The following TXLNB variants were observed in gnomAD, a reference collection of about 807,000 sequenced individuals.
TXLNB encodes taxilin beta.
Under a neutral mutation model 57.4 loss-of-function variants are expected in TXLNB, and 37 were observed. The observed-to-expected ratio is 0.64, with a 90% CI of 0.50 to 0.85. TXLNB has a LOEUF of 0.85. TXLNB is among the 40% of genes least tolerant of loss of function. The pLI is 0.00. For synonymous variants in TXLNB, 302 were observed against 309.6 expected, an observed-to-expected ratio of 0.98 and a Z score of 0.26; for missense variants, 848 against 825.6, an observed-to-expected ratio of 1.03 and a Z score of -0.33.
At chr6:139,188,115 T>A in the TXLNB span, among the ~76,000 whole-genome samples, 1 of 152,174 alleles carries the variant, frequency 6.6e-6, no homozygotes, top group Non-Finnish European at 1.5e-5. Flanking sequence ...AGGGGCCTTC[T>A]TACTAAGAGG....
chr6:139,294,930 A>T (rs1235323004), upstream of TXLNB, among the ~76,000 whole-genome samples: 1 of 152,092 alleles, frequency 6.6e-6, no homozygotes, highest in East Asian at 1.9e-4. Flanking sequence ...CAGAGGTTGC[A>T]GTGAGCCGAG....
At position 139,240,859 on chromosome 6, in the gene TXLNB, A is replaced by T. The variant is rs1246417906; in HGVS notation, c.*1667T>A. ...GTGCCTTGGCAAACAGCCACATGCAACATTGAAGAATGGTTTCCTGGATGA... is the reference window on the plus strand; with the variant it reads ...GTGCCTTGGCAAACAGCCACATGCATCATTGAAGAATGGTTTCCTGGATGA... On this transcript the variant is annotated 3_prime_UTR_variant, in exon 10 of 10. Transcript: ENST00000358430. 1 of 152,254 alleles carries T rather than the reference A, an allele frequency of 6.6e-6. No individual in the cohort carries two copies. The highest frequency in any genetic ancestry group is 6.5e-5 in the Admixed American group (1 of 15,282). The allele number at this position is 152,254 out of a possible 1,614,324, so 9.4% of individuals were successfully genotyped here.
At chr6:139,200,284 A>G in the TXLNB span, among the ~76,000 whole-genome samples, 3 of 152,030 alleles carry the variant, frequency 2.0e-5, no homozygotes, top group South Asian at 6.3e-4. Context: ...ATCTCCCCTA[A>G]TAATACCATT....
the TXLNB span, among the ~76,000 whole-genome samples, chr6:139,226,721 G>C: frequency 6.6e-6 from 1 of 152,130 alleles, no homozygotes; most frequent in Non-Finnish European, 1.5e-5. Flanking sequence ...TAGTCATCAG[G>C]AAAGGCCAAT....
Position 139,242,523 on chromosome 6 carries a change from G to A in TXLNB, c.*3C>T. 1.3e-6 allele frequency: 2 copies of A among 1,498,424 alleles called. No individual in the cohort carries two copies. The highest frequency in any genetic ancestry group is 1.8e-6 in the Non-Finnish European group (2 of 1,125,726). 92.8% of individuals were successfully genotyped at this position (1,498,424 alleles called of 1,614,324 possible). ...GAAGAAGCCTCTGAAGGCACGGTGA[G>A]GCTTAGTCGACGCCTTCCAGATTGG... On this transcript the variant is annotated 3_prime_UTR_variant, in exon 10 of 10. Transcript: ENST00000358430.
At chr6:139,191,566 G>A in the TXLNB span, among the ~76,000 whole-genome samples, 2 of 152,212 alleles carry the variant, frequency 1.3e-5, no homozygotes, top group Admixed American at 1.3e-4. Context: ...CTATTGGACA[G>A]TGCTGGGCTA....
At chr6:139,321,847 T>C in the TXLNB span, among the ~76,000 whole-genome samples, 1 of 152,102 alleles carries the variant, frequency 6.6e-6, no homozygotes, top group South Asian at 2.1e-4. Flanking sequence ...TTAGCCAGGA[T>C]GGTCTCGATC....
the TXLNB span, among the ~76,000 whole-genome samples, chr6:139,317,400 GT>G: frequency 0.065 from 9,377 of 144,592 alleles, 912 homozygotes; most frequent in African/African-American, 0.22. Flanking sequence ...AAAGACAGAG[GT>G]TTTTTTTTTT....
chr6:139,256,140 C>T (rs951585407), intron 6 of TXLNB, among the ~76,000 whole-genome samples: 6 of 152,034 alleles, frequency 3.9e-5, no homozygotes. Flanking sequence ...GTTGGATTCT[C>T]AACTATAAAC....
chr6:139,257,333 G>T (rs1776370316), intron 6 of TXLNB, among the ~76,000 whole-genome samples: 1 of 151,912 alleles, frequency 6.6e-6, no homozygotes, highest in African/African-American at 2.4e-5. Context: ...GTTGTTTTTT[G>T]CCATTTGCTT....
chr6:139,193,842 T>A, the TXLNB span, among the ~76,000 whole-genome samples: 12,183 of 43,718 alleles, frequency 0.28, 683 homozygotes, highest in Admixed American at 0.37. Flanking sequence ...ATATATATAT[T>A]TTTTTTTTTT....
At chr6:139,321,633 CT>C in the TXLNB span, among the ~76,000 whole-genome samples, 873 of 84,324 alleles carry the variant, frequency 0.01, 2 homozygotes, top group African/African-American at 0.048. Flanking sequence ...ACTACTCTCT[CT>C]TTTTTTTTTT....
At chr6:139,213,010 A>T in the TXLNB span, among the ~76,000 whole-genome samples, 2 of 152,202 alleles carry the variant, frequency 1.3e-5, no homozygotes, top group African/African-American at 4.8e-5. Context: ...AGAGACTTAG[A>T]CTCCCACACA....
chr6:139,238,211 C>T (rs1452302312), downstream of TXLNB, among the ~76,000 whole-genome samples: 11 of 151,900 alleles, frequency 7.2e-5, no homozygotes, highest in African/African-American at 2.7e-4. Context: ...CTGGCCAACA[C>T]GGTGAAACCC....
intron 7 of TXLNB, among the ~76,000 whole-genome samples, chr6:139,253,415 T>G (rs1776258852): frequency 6.6e-6 from 1 of 152,184 alleles, no homozygotes; most frequent in Admixed American, 6.5e-5. Context: ...GTGCTGATGT[T>G]TTGGAAACGC....
At chr6:139,291,355 A>C (rs553371966) in intron 1 of TXLNB, among the ~76,000 whole-genome samples, 1 of 152,272 alleles carries the variant, frequency 6.6e-6, no homozygotes, top group Non-Finnish European at 1.5e-5. Context: ...AATGAACTTC[A>C]AAATAATTAA....
the TXLNB span, among the ~76,000 whole-genome samples, chr6:139,233,650 T>C: frequency 2.6e-5 from 4 of 152,096 alleles, no homozygotes; most frequent in Admixed American, 2.6e-4. Context: ...CTTCACCTTC[T>C]GCCATGATTG....
chr6:139,239,883 CA>C (rs1248175900), downstream of TXLNB, among the ~76,000 whole-genome samples: 96 of 152,180 alleles, frequency 6.3e-4, no homozygotes, highest in African/African-American at 1.8e-3. The surrounding 1 kb of genome is among the most constrained non-coding windows in gnomAD (Gnocchi z 4.7). Flanking sequence ...CACACACACA[CA>C]CCCCCGCCCC....
At chr6:139,311,354 G>A in the TXLNB span, among the ~76,000 whole-genome samples, 4 of 152,158 alleles carry the variant, frequency 2.6e-5, no homozygotes, top group African/African-American at 9.7e-5. Context: ...CTCTTGAATG[G>A]ATAACTTAGT....
Sources: gnomAD v4.1 joint callset for allele counts (sites outside exome capture counted in the v4.1 genomes callset) on GRCh38, gnomAD v4.1.1 for gene constraint, Gnocchi (gnomAD v3.1) non-coding constraint, MANE v1.5 for transcripts, NCBI Gene and HGNC (gene_info 2026-07-23, HGNC 2026-07-21) for gene names.